Variants in SGIP1 observed in about 807,000 individuals in gnomAD.
The protein encoded by SGIP1 is SH3-containing GRB2-like protein 3-interacting protein 1.
A neutral mutation model predicts 107.5 loss-of-function variants in SGIP1; 38 were observed. The ratio of observed to expected loss-of-function variants is 0.35; its 90% CI spans 0.27 to 0.46. The LOEUF (loss-of-function observed/expected upper bound fraction) is 0.46, where lower values mean the gene tolerates loss of function less well. Ranked by LOEUF, SGIP1 falls within the 20% of genes least tolerant of loss-of-function variation. The pLI is 1.00. For synonymous variants in SGIP1, 365 were observed against 366.1 expected, an observed-to-expected ratio of 1.00 and a Z score of 0.03; for missense variants, 929 against 1,019.5, an observed-to-expected ratio of 0.91 and a Z score of 1.21.
intron 18 of SGIP1, among the ~76,000 whole-genome samples, chr1:66,708,417 T>C (rs931184390): frequency 2.0e-5 from 3 of 152,188 alleles, no homozygotes; most frequent in Non-Finnish European, 4.4e-5. Flanking sequence ...AATTTGGCTG[T>C]ATGAGTCTTC....
At chr1:66,681,600 G>T (rs1169507096) in intron 14 of SGIP1, among the ~76,000 whole-genome samples, 1 of 152,204 alleles carries the variant, frequency 6.6e-6, no homozygotes, top group Non-Finnish European at 1.5e-5. Flanking sequence ...ATCATGCACA[G>T]CACTTTACAT....
intron 1 of SGIP1, among the ~76,000 whole-genome samples, chr1:66,541,284 T>G (rs1345983621): frequency 6.6e-6 from 1 of 152,268 alleles, no homozygotes; most frequent in Non-Finnish European, 1.5e-5. Flanking sequence ...TCTGCCCATG[T>G]GGGCATCCTT....
At chr1:66,619,673 G>T (rs1314342662) in intron 1 of SGIP1, among the ~76,000 whole-genome samples, 2 of 152,204 alleles carry the variant, frequency 1.3e-5, no homozygotes, top group Non-Finnish European at 2.9e-5. Context: ...GAAAGGAGGG[G>T]TTATTGGCAG....
chr1:66,691,978 G>A (rs1455295830), intron 17 of SGIP1, among the ~76,000 whole-genome samples: 1 of 152,096 alleles, frequency 6.6e-6, no homozygotes, highest in Non-Finnish European at 1.5e-5. Context: ...GGCCAACATA[G>A]TGAAACCCCA....
chr1:66,735,330 C>T (rs2094186399), intron 21 of SGIP1, among the ~76,000 whole-genome samples: 1 of 152,076 alleles, frequency 6.6e-6, no homozygotes, highest in African/African-American at 2.4e-5. Context: ...ATCCTCCTGC[C>T]TCAGCCTCCC....
In SGIP1 at chr1:66,682,125, C is replaced by A. The variant is rs2086863766; in HGVS notation, c.1071C>A (p.Pro357=). The A allele has an allele frequency of 6.2e-7, 1 of 1,613,606 alleles. No individual in the cohort carries two copies. The highest frequency in any genetic ancestry group is 1.7e-5 in the Admixed American group (1 of 59,912). Residue 357 remains proline, a synonymous_variant, in exon 15 of 25, where the codon CCC becomes CCA. Transcript: ENST00000371037. ...CAGGCCCTCTCGGCCCCCCAGGTCC[C>A]ACAGGCCCCCCAGGGCCTCCTGGGC... ...PAPGPLGPPG[P]TGPPGPPGPP...
intron 2 of SGIP1, among the ~76,000 whole-genome samples, chr1:66,627,233 T>C (rs999751961): frequency 1.3e-5 from 2 of 152,126 alleles, no homozygotes; most frequent in Admixed American, 6.6e-5. Context: ...CATATTTGGA[T>C]TGATGATCAG....
chr1:66,562,343 G>T (rs1445094338), intron 1 of SGIP1, among the ~76,000 whole-genome samples: 1 of 151,998 alleles, frequency 6.6e-6, no homozygotes. Flanking sequence ...GCTAGATGAG[G>T]GTTTCAGGGA....
chr1:66,629,158 A>G (rs1174711521), intron 2 of SGIP1, among the ~76,000 whole-genome samples: 1 of 152,180 alleles, frequency 6.6e-6, no homozygotes, highest in African/African-American at 2.4e-5. Context: ...CAGGGCTGCT[A>G]CAACTCACTG....
intron 14 of SGIP1, among the ~76,000 whole-genome samples, chr1:66,681,534 C>G (rs1224569510): frequency 6.6e-6 from 1 of 152,192 alleles, no homozygotes; most frequent in African/African-American, 2.4e-5. Flanking sequence ...GAATCTAATA[C>G]TGCCTTCTCA....
intron 1 of SGIP1, among the ~76,000 whole-genome samples, chr1:66,551,606 T>C (rs1321750093): frequency 2.0e-5 from 3 of 152,178 alleles, no homozygotes; most frequent in Admixed American, 2.0e-4. Flanking sequence ...AAGATATACA[T>C]TTAAGAAATA....
At chr1:66,637,630 G>A (rs1284886044) in intron 4 of SGIP1, among the ~76,000 whole-genome samples, 1 of 151,544 alleles carries the variant, frequency 6.6e-6, no homozygotes, top group East Asian at 1.9e-4. Context: ...TGGTTTTCAT[G>A]CAAACTGGGA....
chr1:66,709,226 T>A (rs1412277873), intron 18 of SGIP1, among the ~76,000 whole-genome samples: 2 of 122,758 alleles, frequency 1.6e-5, no homozygotes, highest in Non-Finnish European at 3.2e-5. Context: ...TTCCCCTGCC[T>A]GTGTCCATGT....
chr1:66,652,760 G>A (rs1374747585), intron 7 of SGIP1, among the ~76,000 whole-genome samples: 1 of 151,990 alleles, frequency 6.6e-6, no homozygotes, highest in East Asian at 1.9e-4. Context: ...TGAAAACAAA[G>A]AGTCATCAGT....
At chr1:66,541,579 A>G (rs116664274) in intron 1 of SGIP1, among the ~76,000 whole-genome samples, 1,812 of 152,302 alleles carry the variant, frequency 0.012, 37 homozygotes, top group African/African-American at 0.041. Flanking sequence ...GATCAAAATT[A>G]CACATCTACT....
In SGIP1 at chr1:66,743,442, T is replaced by G. The variant is rs2094513085; in HGVS notation, c.*347T>G. The G allele has an allele frequency of 5.4e-6, 1 of 185,360 alleles. No homozygotes were observed. The highest frequency in any genetic ancestry group is 5.6e-5 in the Admixed American group (1 of 17,914). The allele number at this position is 185,360 out of a possible 1,614,324, so 11.5% of individuals were successfully genotyped here. A position where few individuals can be genotyped will look rare whatever the true frequency, so the allele number is the denominator to read the frequency against. ...GTGGTATGTAAATTTAATAGTAGTA[T>G]TGTTGAATGGCACAATGCTTACAGA... On this transcript the variant is annotated 3_prime_UTR_variant, in exon 25 of 25. Coordinates refer to ENST00000371037, the MANE Select transcript of SGIP1 (RefSeq NM_032291.4).
At chr1:66,600,084 C>T (rs980901565) in intron 1 of SGIP1, among the ~76,000 whole-genome samples, 3 of 152,200 alleles carry the variant, frequency 2.0e-5, no homozygotes, top group Admixed American at 1.3e-4. Flanking sequence ...CTTTCTCGGG[C>T]TCAGTGAGTT....
rs2063569177 is a variant in SGIP1, at chr1:66,591,237, A to T, written c.11-34610A>T. Among the ~76,000 whole-genome samples the T allele has an allele frequency of 2.0e-5, 3 of 152,174 alleles. No individual in the cohort carries two copies. In the South Asian group the frequency reaches 6.2e-4, roughly 32 times the overall value. On this transcript the variant is annotated intron_variant, in intron 1 of 24. Coordinates refer to ENST00000371037, the MANE Select transcript of SGIP1 (RefSeq NM_032291.4). The stretch of plus-strand genomic sequence containing the variant: ...CAAACCATTTCACCAACAATGCCAT[A>T]TTCCTGCTAACAAGGTATCTTGATC...
chr1:66,651,868 T>C (rs1458858193), intron 7 of SGIP1, among the ~76,000 whole-genome samples: 2 of 152,236 alleles, frequency 1.3e-5, no homozygotes, highest in African/African-American at 2.4e-5. Context: ...CCATTTTATA[T>C]GGCTCATTTA....
Sources: allele counts gnomAD v4.1 joint callset (sites outside exome capture counted in the v4.1 genomes callset), GRCh38; gene constraint gnomAD v4.1.1; transcripts MANE v1.5; gene names NCBI Gene and HGNC (gene_info 2026-07-23, HGNC 2026-07-21).